The following TMEFF2 variants were observed in gnomAD, a reference collection of about 807,000 sequenced individuals.
TMEFF2 encodes the protein transmembrane protein with EGF like and two follistatin like domains 2, also known as tomoregulin-2.
TMEFF2 carries 28 observed loss-of-function variants against 53.8 expected under a neutral mutation model. The ratio of observed to expected loss-of-function variants is 0.52; its 90% confidence interval spans 0.39 to 0.71. The LOEUF (loss-of-function observed/expected upper bound fraction) is 0.71, where lower values mean the gene tolerates loss of function less well. Among genes scored for constraint, TMEFF2 ranks in the 30% least tolerant of loss-of-function variants. The pLI, the probability that TMEFF2 is intolerant of heterozygous loss-of-function variation, is 0.00. For missense variants in TMEFF2, 353 were observed against 455.2 expected (o/e 0.78, Z 2.04); for synonymous variants, 162 against 166.3 (o/e 0.97, Z 0.20).
intron 7 of TMEFF2, among the ~76,000 whole-genome samples, chr2:191,993,421 C>T (rs989459375): frequency 2.0e-5 from 3 of 151,906 alleles, no homozygotes; most frequent in African/African-American, 7.3e-5. Flanking sequence ...CAAGTAAACA[C>T]AGGAACTCGA....
intron 4 of TMEFF2, among the ~76,000 whole-genome samples, chr2:192,082,919 C>A (rs532517719): frequency 1.3e-5 from 2 of 149,376 alleles, no homozygotes; most frequent in African/African-American, 2.5e-5. Flanking sequence ...AAGTTTCCTG[C>A]GTTTGGAATG....
intron 5 of TMEFF2, among the ~76,000 whole-genome samples, chr2:192,013,312 T>C (rs1019468402): frequency 1.1e-4 from 16 of 152,146 alleles, no homozygotes; most frequent in African/African-American, 3.9e-4. Flanking sequence ...CCACCAGCAC[T>C]TTTCACTTGC....
At chr2:191,971,997 A>C (rs1692656340) in intron 7 of TMEFF2, among the ~76,000 whole-genome samples, 1 of 152,170 alleles carries the variant, frequency 6.6e-6, no homozygotes, top group Admixed American at 6.5e-5. Flanking sequence ...GAGAAAGACA[A>C]ATGCAGGAAA....
chr2:191,983,818 ATTCAT>A (rs1438394345), intron 7 of TMEFF2, among the ~76,000 whole-genome samples: 8 of 152,230 alleles, frequency 5.3e-5, no homozygotes, highest in African/African-American at 1.7e-4. Context: ...TAATGTTTAT[ATTCAT>A]TTCAAGTTTT....
chr2:191,964,376 T>TTCTTTCTTTCTTTCTTTC (rs1692393338), intron 7 of TMEFF2, among the ~76,000 whole-genome samples: 3 of 27,680 alleles, frequency 1.1e-4, no homozygotes, highest in Admixed American at 3.9e-4. Context: ...TTCTTTCTCT[T>TTCTTTCTTTCTTTCTTTC]TCTTTCTTTC....
At chr2:192,025,707 A>C (rs1686955771) in intron 5 of TMEFF2, among the ~76,000 whole-genome samples, 1 of 152,134 alleles carries the variant, frequency 6.6e-6, no homozygotes, top group South Asian at 2.1e-4. Flanking sequence ...AAGATTTAGA[A>C]TTGCATAAAC....
intron 7 of TMEFF2, among the ~76,000 whole-genome samples, chr2:191,958,964 A>G (rs775183868): frequency 1.1e-4 from 16 of 152,238 alleles, no homozygotes; most frequent in South Asian, 2.1e-4. Context: ...AGATTTTAGT[A>G]TATTAAGAGT....
At chr2:192,154,834 C>A (rs1004612143) in intron 4 of TMEFF2, among the ~76,000 whole-genome samples, 12 of 151,842 alleles carry the variant, frequency 7.9e-5, no homozygotes, top group Non-Finnish European at 1.2e-4. Flanking sequence ...GGGCTTCTTG[C>A]CTGCTTCTCA....
At chr2:191,957,101 T>C (rs754931693) in intron 7 of TMEFF2, among the ~76,000 whole-genome samples, 2 of 152,232 alleles carry the variant, frequency 1.3e-5, no homozygotes, top group Non-Finnish European at 2.9e-5. Context: ...AAACGTGGAT[T>C]CTAAAGTGAA....
chr2:192,026,500 A>C (rs992537996), intron 5 of TMEFF2, among the ~76,000 whole-genome samples: 2 of 152,208 alleles, frequency 1.3e-5, no homozygotes, highest in African/African-American at 4.8e-5. Context: ...TATGTGGCCA[A>C]GTGCAGTGGC....
chr2:191,964,489 C>T (rs1425630704), intron 7 of TMEFF2, among the ~76,000 whole-genome samples: 1 of 150,332 alleles, frequency 6.7e-6, no homozygotes, highest in Non-Finnish European at 1.5e-5. Flanking sequence ...GAATCTCAAC[C>T]CCTCCATCAT....
intron 4 of TMEFF2, among the ~76,000 whole-genome samples, chr2:192,116,345 A>G (rs1689404969): frequency 2.0e-5 from 3 of 151,986 alleles, no homozygotes; most frequent in Admixed American, 2.0e-4. Flanking sequence ...AAATGGGGAG[A>G]TGTTGGTCAA....
intron 7 of TMEFF2, among the ~76,000 whole-genome samples, chr2:191,962,514 T>C (rs1293365235): frequency 6.6e-6 from 1 of 152,172 alleles, no homozygotes; most frequent in Non-Finnish European, 1.5e-5. Flanking sequence ...ACATAGTAAT[T>C]TGGGGACTGG....
chr2:192,050,233 T>G (rs141446682), intron 5 of TMEFF2, among the ~76,000 whole-genome samples: 50 of 152,314 alleles, frequency 3.3e-4, no homozygotes, highest in African/African-American at 1.2e-3. Context: ...ATCCCCATAT[T>G]TCTTGGTATT....
chr2:192,130,805 C>T (rs903323412), intron 4 of TMEFF2, among the ~76,000 whole-genome samples: 6 of 152,032 alleles, frequency 3.9e-5, no homozygotes, highest in Non-Finnish European at 7.4e-5. Flanking sequence ...TCTCTTCACA[C>T]GGACACGCAT....
chr2:192,077,656 T>C (rs1437189498), intron 4 of TMEFF2, among the ~76,000 whole-genome samples: 2 of 152,076 alleles, frequency 1.3e-5, no homozygotes, highest in Non-Finnish European at 2.9e-5. Flanking sequence ...ATGAGGAATG[T>C]CAATTATATA....
intron 9 of TMEFF2, among the ~76,000 whole-genome samples, chr2:191,952,164 C>CAT (rs1691905425): frequency 6.6e-6 from 1 of 152,244 alleles, no homozygotes; most frequent in East Asian, 1.9e-4. Flanking sequence ...ATTAAATGTG[C>CAT]ATATATATGT....
chr2:191,990,258 T>C (rs1339485099), intron 7 of TMEFF2, among the ~76,000 whole-genome samples: 1 of 152,190 alleles, frequency 6.6e-6, no homozygotes, highest in Non-Finnish European at 1.5e-5. Flanking sequence ...TTTTGTTGTA[T>C]AGATATTTTA....
rs1347508276 is a variant in TMEFF2 at position 191,949,859 on chromosome 2, C to CTTGA, written c.*448_*451dup. 13 of 985,940 alleles carry CTTGA rather than the reference C, an allele frequency of 1.3e-5. No homozygotes were observed. The highest frequency in any genetic ancestry group is 1.6e-5 in the Non-Finnish European group (13 of 830,208). The allele number at this position is 985,940 out of a possible 1,614,324, so 61.1% of individuals were successfully genotyped here. A position where few individuals can be genotyped will look rare whatever the true frequency, so the allele number is the denominator to read the frequency against. ...CTCTTTTCCAATAACCATCATTTCC[C>CTTGA]TTGATCTTGGAATCATTCAAAACCT... On this transcript the variant is annotated 3_prime_UTR_variant, in exon 10 of 10. Transcript: ENST00000272771.
Sources: allele counts gnomAD v4.1 joint callset (sites outside exome capture counted in the v4.1 genomes callset), GRCh38; gene constraint gnomAD v4.1.1; transcripts MANE v1.5; gene names NCBI Gene and HGNC (gene_info 2026-07-23, HGNC 2026-07-21).